Variants in VPS54 observed in about 807,000 individuals in gnomAD.
VPS54 encodes VPS54 subunit of GARP complex.
In VPS54, 45 loss-of-function variants were observed where a neutral mutation model predicts 121.5. The observed-to-expected ratio is 0.37, with a 90% CI of 0.29 to 0.47. The LOEUF is 0.47. VPS54 is among the 20% of genes least tolerant of loss of function. The pLI is 0.99. For synonymous variants in VPS54, 371 were observed against 385.8 expected, an observed-to-expected ratio of 0.96 and a Z score of 0.45; for missense variants, 1,090 against 1,131.4, an observed-to-expected ratio of 0.96 and a Z score of 0.52.
intron 1 of VPS54, among the ~76,000 whole-genome samples, chr2:64,000,014 C>T (rs530875996): frequency 6.6e-6 from 1 of 152,156 alleles, no homozygotes; most frequent in East Asian, 1.9e-4. Flanking sequence ...GGATGTGCCA[C>T]CTTGCCCGGC....
chr2:63,959,221 T>C (rs753037008), intron 7 of VPS54, among the ~76,000 whole-genome samples: 1 of 152,174 alleles, frequency 6.6e-6, no homozygotes, highest in African/African-American at 2.4e-5. Flanking sequence ...GTCAAGAAAG[T>C]AAATCATCAT....
intron 7 of VPS54, among the ~76,000 whole-genome samples, chr2:63,952,222 A>T (rs1432863843): frequency 6.6e-6 from 1 of 152,202 alleles, no homozygotes; most frequent in East Asian, 1.9e-4. Context: ...ACTTTCACAT[A>T]CAAAGGGATT....
rs140006813 is a variant in VPS54, at chr2:63,977,008, T to C, written c.378+4638A>G. 5.8e-3 allele frequency among the ~76,000 whole-genome samples: 876 copies of C among 152,088 alleles called. 9 individuals are homozygous for C. The highest frequency in any genetic ancestry group is 0.02 in the African/African-American group (816 of 41,490). ...CATACCCAGCTAATTTTTGTACTTT[T>C]AGTAGAGATGGGGTTTCATCATGTT... On this transcript the variant is annotated intron_variant, in intron 3 of 22. Transcript: ENST00000272322.
At chr2:63,953,366 C>CA (rs1239019352) in intron 7 of VPS54, among the ~76,000 whole-genome samples, 1 of 152,044 alleles carries the variant, frequency 6.6e-6, no homozygotes, top group African/African-American at 2.4e-5. Context: ...CTCCTGACCT[C>CA]AAGTGGTCCA....
At chr2:63,952,655 A>C (rs955685106) in intron 7 of VPS54, among the ~76,000 whole-genome samples, 1 of 152,210 alleles carries the variant, frequency 6.6e-6, no homozygotes, top group Non-Finnish European at 1.5e-5. Context: ...ATAACATGTA[A>C]GTTTGCATCT....
chr2:64,013,652 A>C lies in VPS54; in HGVS notation c.-21+5286T>G, dbSNP rs915116165. Among the ~76,000 whole-genome samples, 24 of 145,460 alleles carry C rather than the reference A, an allele frequency of 1.6e-4. No individual in the cohort carries two copies. In the East Asian group the frequency reaches 4.8e-3, roughly 29 times the overall value. On this transcript the variant is annotated intron_variant, in intron 1 of 22. Transcript: ENST00000272322. ...TATATAAATATATATCAATATATAGATATATATTGATATATATATCTATAT... is the reference window on the plus strand; with the variant it reads ...TATATAAATATATATCAATATATAGCTATATATTGATATATATATCTATAT...
chr2:63,899,667 T>A, intron 20 of VPS54, 86 bp from the exon 21 acceptor site: 1 of 1,060,490 alleles, frequency 9.4e-7, no homozygotes. Context: ...ATATTTACTG[T>A]CCCTCCACAT....
intron 22 of VPS54, among the ~76,000 whole-genome samples, chr2:63,895,971 C>A (rs1435641602): frequency 6.6e-6 from 1 of 152,188 alleles, no homozygotes. Context: ...AGGGTATGAG[C>A]AGGGTTAGGC....
At chr2:63,955,624 A>G (rs945415294) in intron 7 of VPS54, among the ~76,000 whole-genome samples, 33 of 152,192 alleles carry the variant, frequency 2.2e-4, no homozygotes, top group African/African-American at 7.7e-4. Flanking sequence ...AATACAGGCT[A>G]TATAATTAAT....
chr2:63,899,874 C>T (rs1429759536), intron 20 of VPS54, among the ~76,000 whole-genome samples: 1 of 152,118 alleles, frequency 6.6e-6, no homozygotes, highest in African/African-American at 2.4e-5. Flanking sequence ...CCATTCTAAG[C>T]TAGGTGATGT....
intron 6 of VPS54, 25 bp downstream of exon 6, chr2:63,965,810 A>G (rs765061409): frequency 5.0e-6 from 8 of 1,608,252 alleles, no homozygotes; most frequent in Admixed American, 1.7e-5. Context: ...AGTTTCCTAC[A>G]TGGAAAAAGT....
At chr2:63,977,187 G>A (rs1457620403) in intron 3 of VPS54, among the ~76,000 whole-genome samples, 1 of 152,074 alleles carries the variant, frequency 6.6e-6, no homozygotes, top group East Asian at 1.9e-4. Flanking sequence ...CAAAGAACCA[G>A]CTTTTGCTTT....
chr2:63,938,567 C>T (rs1278758528), intron 11 of VPS54, among the ~76,000 whole-genome samples: 3 of 152,088 alleles, frequency 2.0e-5, no homozygotes, highest in Admixed American at 6.5e-5. Flanking sequence ...TGGGTTCAAG[C>T]GATTCTCCTG....
intron 22 of VPS54, among the ~76,000 whole-genome samples, chr2:63,894,690 G>T (rs1187684332): frequency 6.9e-6 from 1 of 145,298 alleles, no homozygotes; most frequent in Admixed American, 7.0e-5. Flanking sequence ...GTGACCATGA[G>T]ACCCTGTCTC....
intron 17 of VPS54, chr2:63,913,970 T>G: frequency 6.4e-5 from 83 of 1,295,416 alleles, no homozygotes; most frequent in Non-Finnish European, 7.9e-5. Context: ...TTAACAACTC[T>G]ATGGGTGAAT....
intron 10 of VPS54, among the ~76,000 whole-genome samples, chr2:63,943,699 A>T (rs1022173614): frequency 2.2e-5 from 3 of 138,702 alleles, no homozygotes; most frequent in Admixed American, 7.5e-5. Context: ...ATAGAATAGG[A>T]ATTTTTCTTT....
chr2:63,943,515 G>A (rs573789138), intron 10 of VPS54, among the ~76,000 whole-genome samples: 1 of 152,222 alleles, frequency 6.6e-6, no homozygotes, highest in Admixed American at 6.5e-5. Flanking sequence ...TTCTGAAATT[G>A]AGTTTTCCCT....
At chr2:64,009,179 T>C (rs763607298) in intron 1 of VPS54, among the ~76,000 whole-genome samples, 2 of 152,252 alleles carry the variant, frequency 1.3e-5, no homozygotes, top group Non-Finnish European at 2.9e-5. Context: ...ATCAGATCAA[T>C]GACTGAATCA....
At chr2:64,005,086 C>CTTTT (rs1559053926) in intron 1 of VPS54, among the ~76,000 whole-genome samples, 4 of 76,602 alleles carry the variant, frequency 5.2e-5, no homozygotes, top group African/African-American at 1.2e-4. Flanking sequence ...TCTACTATTG[C>CTTTT]TTCTTTTTTT....
Sources: allele counts gnomAD v4.1 joint callset (sites outside exome capture counted in the v4.1 genomes callset), GRCh38; gene constraint gnomAD v4.1.1; transcripts MANE v1.5; gene names NCBI Gene and HGNC (gene_info 2026-07-23, HGNC 2026-07-21).